MYBPC2: variants seen among roughly 807,000 people sequenced by gnomAD.
MYBPC2 encodes the protein myosin-binding protein C, fast-type.
Under a neutral mutation model 137.0 loss-of-function variants are expected in MYBPC2, and 122 were observed. That is an observed-to-expected ratio of 0.89 (90% CI 0.77 to 1.03). The LOEUF is 1.03. Among genes scored for constraint, MYBPC2 ranks in the 50% least tolerant of loss-of-function variants. The probability of loss-of-function intolerance (pLI) is 0.00; values close to 1 mark genes in which losing one functional copy is unlikely to be tolerated. For missense variants in MYBPC2, 1,500 were observed against 1,534.4 expected, an observed-to-expected ratio of 0.98 and a Z score of 0.37; for synonymous variants, 626 against 612.3, an observed-to-expected ratio of 1.02 and a Z score of -0.33.
At position 50,435,457 on chromosome 19, in the gene MYBPC2, C is replaced by T. The variant is rs949483757; in HGVS notation, c.109+207C>T. 5.3e-5 allele frequency among the ~76,000 whole-genome samples: 8 copies of T among 152,334 alleles called. No individual in the cohort carries two copies. The highest frequency in any genetic ancestry group is 1.9e-4 in the East Asian group (1 of 5,180). ...CCAGCCCCTCGGCTGGCATCGGCTC[C>T]GGTCAGCTGGCTGATTGATCACCAG... On this transcript the variant is annotated intron_variant, in intron 2 of 27. Transcript: ENST00000357701. This position sits in a 1 kb window ranked among gnomAD's most constrained non-coding sequence, Gnocchi z 4.8.
intron 8 of MYBPC2, among the ~76,000 whole-genome samples, chr19:50,441,637 C>T (rs1435636719): frequency 1.3e-5 from 2 of 151,966 alleles, no homozygotes; most frequent in African/African-American, 4.8e-5. Context: ...GTCAGGAGTT[C>T]GAGACCAGCC....
chr19:50,459,220 C>T lies in MYBPC2; in HGVS notation c.2705C>T (p.Ala902Val), dbSNP rs1172282270. 1.9e-6 allele frequency: 3 copies of T among 1,610,874 alleles called. No homozygotes were observed. The highest frequency in any genetic ancestry group is 2.2e-5 in the East Asian group (1 of 44,726). ...GACACCGTGTTCTTCGTGCGCCAGG[C>T]GGCCCGCTCCGACTCCGGGGAGTAC... Reference protein sequence around the residue: ...DFDTVFFVRQAARSDSGEYEL... With the variant: ...DFDTVFFVRQVARSDSGEYEL... The change falls in exon 23 of 28, where the codon GCG becomes GTG. Residue 902 changes from alanine (A) to valine (V), a missense_variant. Ala to Val is a moderately conservative substitution (Grantham distance 64, BLOSUM62 0). Transcript: ENST00000357701.
rs972234027 is a variant in MYBPC2 at position 50,446,364 on chromosome 19, T to A, written c.1306+312T>A. ...CATCTCTACTAAAAATACAAAAAAA[T>A]TAGCTGGGCATTGCGGCGTGCACCT... On this transcript the variant is annotated intron_variant, in intron 12 of 27. Transcript: ENST00000357701. Among the ~76,000 whole-genome samples the A allele has an allele frequency of 6.8e-5, 10 of 147,646 alleles. 1 individual carries two copies. The highest frequency in any genetic ancestry group is 6.1e-4 in the Admixed American group (9 of 14,650).
At chr19:50,437,197 C>T (rs1017135671) in intron 5 of MYBPC2, among the ~76,000 whole-genome samples, 1 of 151,892 alleles carries the variant, frequency 6.6e-6, no homozygotes, top group Non-Finnish European at 1.5e-5. Flanking sequence ...GTGGGGTGCA[C>T]AGGAAATGAG....
chr19:50,461,756 G>C, intron 25 of MYBPC2, 55 bp downstream of exon 25: 2 of 1,606,188 alleles, frequency 1.2e-6, no homozygotes, highest in Admixed American at 3.4e-5. Flanking sequence ...TCTCGCCCAG[G>C]TCCCACCTGG....
Position 50,458,610 on chromosome 19 carries a change from A to G in MYBPC2, c.2362A>G (p.Thr788Ala). ...EGSEEWVPANTEPVERCGFTV... is the reference protein window; with the variant it reads ...EGSEEWVPANAEPVERCGFTV... ...AGCCGAGGAATGGGTCCCTGCCAAC[A>G]CCGAGCCCGTGGAGCGCTGTGGCTT... Residue 788 changes from threonine (T) to alanine (A), a missense_variant, in exon 21 of 28, where the codon ACC becomes GCC. Physicochemically the swap from Thr to Ala is moderately conservative, Grantham distance 58 (BLOSUM62 0). Transcript: ENST00000357701. The G allele has an allele frequency of 6.2e-7, 1 of 1,612,458 alleles. No homozygotes were observed. Among genetic ancestry groups the G allele is most frequent in the East Asian group, 2.2e-5 (1 of 44,874 alleles).
At chr19:50,447,857 CA>C (rs1219487532) in intron 12 of MYBPC2, among the ~76,000 whole-genome samples, 5 of 149,154 alleles carry the variant, frequency 3.4e-5, no homozygotes, top group East Asian at 1.9e-4. Context: ...AACTCCATCT[CA>C]AAAAAAAATA....
rs199501526 is a variant in MYBPC2, at chr19:50,436,676, C to T, written c.405C>T (p.Arg135=). ...KVVLGDRGYY[R]LEVKAKDTCD... ...TACTGGGGGACCGTGGGTATTACCGCCTCGAGGTCAAAGCCAAGGACACCT... is the reference window on the plus strand; with the variant it reads ...TACTGGGGGACCGTGGGTATTACCGTCTCGAGGTCAAAGCCAAGGACACCT... The change falls in exon 5 of 28, where the codon CGC becomes CGT. Residue 135 remains arginine, a synonymous_variant. Coordinates refer to ENST00000357701, the MANE Select transcript of MYBPC2 (RefSeq NM_004533.4). 2.5e-6 allele frequency: 4 copies of T among 1,613,802 alleles called. No individual in the cohort carries two copies. Among genetic ancestry groups the T allele is most frequent in the Non-Finnish European group, 3.4e-6 (4 of 1,179,860 alleles).
At chr19:50,443,685 T>C (rs2039776694) in intron 10 of MYBPC2, 26 bp from the exon 11 acceptor site, 1 of 1,611,502 alleles carries the variant, frequency 6.2e-7, no homozygotes, top group Non-Finnish European at 8.5e-7. Flanking sequence ...CTGAAACGAC[T>C]GACCTCCTGT....
chr19:50,437,604 A>G, intron 6 of MYBPC2, 55 bp from the exon 7 acceptor site: 1 of 1,591,964 alleles, frequency 6.3e-7, no homozygotes, highest in East Asian at 2.3e-5. Context: ...GGATTGGGGA[A>G]GGCAAGGGGT....
Position 50,464,504 on chromosome 19 carries a change from G to A in MYBPC2, c.3387G>A (p.Ala1129=), listed in dbSNP as rs772588451. 1.2e-4 allele frequency: 192 copies of A among 1,611,374 alleles called. No individual in the cohort carries two copies. The highest frequency in any genetic ancestry group is 1.5e-4 in the Non-Finnish European group (180 of 1,179,186). The change falls in exon 27 of 28, where the codon GCG becomes GCA. Residue 1129 remains alanine (A), a synonymous_variant. Transcript: ENST00000357701. ...GGGCCGTCAACGAGCTGGGCGAGGC[G>A]CTGGCTGAGTGCAAGCTGGAGGTCC... ...TCRAVNELGE[A]LAECKLEVRV...
intron 27 of MYBPC2, among the ~76,000 whole-genome samples, chr19:50,464,980 C>T (rs758836895): frequency 6.6e-5 from 10 of 152,064 alleles, no homozygotes; most frequent in Non-Finnish European, 1.3e-4. Context: ...CTGCCCCGTC[C>T]CTCATCTCGG....
At chr19:50,454,920 C>A (rs926983164) in intron 18 of MYBPC2, among the ~76,000 whole-genome samples, 188 bp from the exon 19 acceptor site, 9 of 152,080 alleles carry the variant, frequency 5.9e-5, no homozygotes, top group Non-Finnish European at 8.8e-5. Flanking sequence ...GAGCTGTGAC[C>A]CCCTCTTGAT....
intron 23 of MYBPC2, 138 bp from the exon 24 acceptor site, chr19:50,459,902 G>A: frequency 7.9e-7 from 1 of 1,259,078 alleles, no homozygotes; most frequent in Non-Finnish European, 1.1e-6. Flanking sequence ...ACTGGGATGG[G>A]GGAGGCCATA....
At chr19:50,443,018 C>T (rs1047686935) in intron 9 of MYBPC2, among the ~76,000 whole-genome samples, 35 of 152,088 alleles carry the variant, frequency 2.3e-4, no homozygotes, top group African/African-American at 8.4e-4. Flanking sequence ...AAGCAATCTG[C>T]CTGCCTCAGA....
Position 50,454,347 on chromosome 19 carries a change from C to T in MYBPC2, c.1992C>T (p.Tyr664=), listed in dbSNP as rs25666. The part of the protein sequence containing the change: ...WAILVWEPPM[Y]DGGKPVTGYL... ...TCCTTGTCTGGGAGCCACCAATGTA[C>T]GATGGGGGGAAGCCAGTCACCGGTG... is the stretch of plus-strand genomic sequence containing the variant. The change falls in exon 18 of 28, where the codon TAC becomes TAT. Residue 664 remains tyrosine (Y), a synonymous_variant. Coordinates refer to ENST00000357701, the MANE Select transcript of MYBPC2 (RefSeq NM_004533.4). 0.024 allele frequency: 38,294 copies of T among 1,610,802 alleles called. 590 individuals are homozygous for T. The highest frequency in any genetic ancestry group is 0.068 in the Admixed American group (4,052 of 59,720).
chr19:50,448,534 T>C lies in MYBPC2; in HGVS notation c.1472+144T>C. ...CCCAGGCTAGAGTGCAATGGCGCGA[T>C]CTCAGCTCACTGCAACCTCCGCCTC... On this transcript the variant is annotated intron_variant, in intron 13 of 27. Coordinates refer to ENST00000357701, the MANE Select transcript of MYBPC2 (RefSeq NM_004533.4). The C allele has an allele frequency of 2.0e-5, 23 of 1,132,702 alleles. 2 individuals carry two copies. In the South Asian group the frequency reaches 3.6e-4, roughly 18 times the overall value. The allele number at this position is 1,132,702 out of a possible 1,614,324, so 70.2% of individuals were successfully genotyped here.
Position 50,442,218 on chromosome 19 carries a change from CAGAGGCAACA to C in MYBPC2, c.811_820del (p.Gly271SerfsTer3). On this transcript the variant is annotated frameshift_variant, in exon 9 of 28. Coordinates refer to ENST00000357701, the MANE Select transcript of MYBPC2 (RefSeq NM_004533.4). LOFTEE classifies it high-confidence loss of function. ...AGCTGGATCCAGCCTACCAAGTGGACAGAGGCAACAAGATCAAGTTGATGGTAGAGATCAG... is the reference window on the plus strand; with the variant it reads ...AGCTGGATCCAGCCTACCAAGTGGACAGATCAAGTTGATGGTAGAGATCAG... The C allele has an allele frequency of 6.2e-7, 1 of 1,601,630 alleles. No individual in the cohort carries two copies. The highest frequency in any genetic ancestry group is 8.5e-7 in the Non-Finnish European group (1 of 1,174,180).
chr19:50,451,217 T>A, intron 14 of MYBPC2, 63 bp from the exon 15 acceptor site: 1 of 1,575,668 alleles, frequency 6.3e-7, no homozygotes, highest in Non-Finnish European at 8.7e-7. Flanking sequence ...CTCTGGGCTG[T>A]GAAGGTGGGG....
Sources: gnomAD v4.1 joint callset for allele counts (sites outside exome capture counted in the v4.1 genomes callset) on GRCh38, gnomAD v4.1.1 for gene constraint, Gnocchi (gnomAD v3.1) non-coding constraint, MANE v1.5 for transcripts, NCBI Gene and HGNC (gene_info 2026-07-23, HGNC 2026-07-21) for gene names.